Variants in SLC26A7 observed in about 807,000 individuals in gnomAD.
SLC26A7 encodes anion exchange transporter.
A neutral mutation model predicts 82.5 loss-of-function variants in SLC26A7; 59 were observed. The ratio of observed to expected loss-of-function variants is 0.72; its 90% CI spans 0.58 to 0.89. The LOEUF is 0.89. SLC26A7 is among the 40% of genes least tolerant of loss of function. The probability of loss-of-function intolerance (pLI) is 0.00; values close to 1 mark genes in which losing one functional copy is unlikely to be tolerated. For synonymous variants in SLC26A7, 271 were observed against 274.3 expected (o/e 0.99, Z 0.12); for missense variants, 820 against 793.0 (o/e 1.03, Z -0.41).
At chr8:91,364,417 G>A (rs1409444777) in intron 13 of SLC26A7, among the ~76,000 whole-genome samples, 1 of 152,138 alleles carries the variant, frequency 6.6e-6, no homozygotes, top group Non-Finnish European at 1.5e-5. Flanking sequence ...GCACCCAAGG[G>A]AATGGCTTAT....
chr8:91,372,641 G>A (rs2130883646), intron 15 of SLC26A7, among the ~76,000 whole-genome samples: 1 of 152,114 alleles, frequency 6.6e-6, no homozygotes, highest in African/African-American at 2.4e-5. Flanking sequence ...TAGCCTTGAA[G>A]TATAGTTTGA....
At chr8:91,238,163 C>T (rs972607291) in intron 2 of SLC26A7, among the ~76,000 whole-genome samples, 2 of 152,062 alleles carry the variant, frequency 1.3e-5, no homozygotes, top group African/African-American at 4.8e-5. Context: ...GTAAAAGGAG[C>T]CTGTAAAGGA....
At chr8:91,348,243 CT>C (rs1176749750) in intron 9 of SLC26A7, 27 of 766,440 alleles carry the variant, frequency 3.5e-5, no homozygotes, top group Admixed American at 6.3e-5. Flanking sequence ...TCATCTCTCT[CT>C]TTTTTTCTTT....
chr8:91,336,701 T>G (rs1813254242), intron 6 of SLC26A7, among the ~76,000 whole-genome samples: 1 of 152,126 alleles, frequency 6.6e-6, no homozygotes, highest in South Asian at 2.1e-4. Flanking sequence ...GAAGGACCAA[T>G]TACTCAACTG....
In SLC26A7 at chr8:91,318,293, G is replaced by T. The variant is rs201371292; in HGVS notation, c.555G>T (p.Gly185=). ...CTGTGATCAGCGCAATGACAACTGGGGCTGCCACCCATGTGGTGACTTCAC... is the reference window on the plus strand; with the variant it reads ...CTGTGATCAGCGCAATGACAACTGGTGCTGCCACCCATGTGGTGACTTCAC... The part of the protein sequence containing the change: ...TEPVISAMTT[G]AATHVVTSQV... Residue 185 remains glycine (G), a synonymous_variant, in exon 5 of 19, where the codon GGG becomes GGT. Transcript: ENST00000276609. 1 of 1,612,202 alleles carries T rather than the reference G, an allele frequency of 6.2e-7. No individual in the cohort carries two copies. The highest frequency in any genetic ancestry group is 1.3e-5 in the African/African-American group (1 of 74,934).
chr8:91,238,452 A>C (rs1001413608), intron 2 of SLC26A7, among the ~76,000 whole-genome samples: 1 of 151,734 alleles, frequency 6.6e-6, no homozygotes, highest in South Asian at 2.1e-4. Flanking sequence ...TTATTGATGT[A>C]TATGATATAG....
chr8:91,277,067 C>T (rs957235445), intron 2 of SLC26A7, among the ~76,000 whole-genome samples: 1 of 152,178 alleles, frequency 6.6e-6, no homozygotes. Flanking sequence ...TGCTTTCCTT[C>T]GAATACTGAG....
chr8:91,242,521 T>A (rs1810488325), intron 2 of SLC26A7, among the ~76,000 whole-genome samples: 1 of 152,158 alleles, frequency 6.6e-6, no homozygotes, highest in Non-Finnish European at 1.5e-5. Flanking sequence ...TGATGGAATC[T>A]AGAGACAGGG....
chr8:91,271,263 A>T (rs1376729595), intron 2 of SLC26A7, among the ~76,000 whole-genome samples: 2 of 152,044 alleles, frequency 1.3e-5, no homozygotes. Flanking sequence ...AATAATTTAT[A>T]TATTTTATGT....
chr8:91,254,838 T>C (rs191862769), intron 2 of SLC26A7, among the ~76,000 whole-genome samples: 1 of 152,258 alleles, frequency 6.6e-6, no homozygotes, highest in East Asian at 1.9e-4. Context: ...GCCTTTATAT[T>C]TAGTATCTGC....
chr8:91,241,123 A>C (rs1810468017), intron 2 of SLC26A7, among the ~76,000 whole-genome samples: 1 of 152,154 alleles, frequency 6.6e-6, no homozygotes, highest in South Asian at 2.1e-4. Context: ...AATAATAATA[A>C]AAATTGTAAG....
intron 5 of SLC26A7, among the ~76,000 whole-genome samples, chr8:91,328,340 A>C (rs1812989745): frequency 1.3e-5 from 2 of 152,098 alleles, no homozygotes; most frequent in African/African-American, 4.8e-5. Flanking sequence ...CATTTTTATA[A>C]AATTAAAATT....
chr8:91,344,156 A>C (rs1813497261), intron 9 of SLC26A7: 1 of 985,306 alleles, frequency 1.0e-6, no homozygotes, highest in Non-Finnish European at 1.2e-6. Context: ...GAACTTGTTT[A>C]ATCCTATGAA....
chr8:91,397,354 C>T lies in SLC26A7; in HGVS notation c.*2257C>T, dbSNP rs1808598990. 6.6e-6 allele frequency: 1 copy of T among 152,434 alleles called. No homozygotes were observed. Among genetic ancestry groups the T allele is most frequent in the South Asian group, 2.1e-4 (1 of 4,822 alleles). The allele number at this position is 152,434 out of a possible 1,614,324, so 9.4% of individuals were successfully genotyped here. A position where few individuals can be genotyped will look rare whatever the true frequency, so the allele number is the denominator to read the frequency against. On this transcript the variant is annotated 3_prime_UTR_variant, in exon 19 of 19. Transcript: ENST00000276609. ...ATGCAAATGTTTATTTTGAAGCAGG[C>T]ATTGACAACACAAAAACTGTGTAGT...
intron 13 of SLC26A7, 49 bp downstream of exon 13, chr8:91,363,587 G>A (rs905760092): frequency 1.8e-6 from 2 of 1,111,686 alleles, no homozygotes; most frequent in East Asian, 2.6e-5. Flanking sequence ...TCATTTTGTG[G>A]GTGAGATAAT....
At chr8:91,337,501 G>A (rs1005933304) in intron 6 of SLC26A7, among the ~76,000 whole-genome samples, 1 of 152,106 alleles carries the variant, frequency 6.6e-6, no homozygotes, top group Non-Finnish European at 1.5e-5. Flanking sequence ...TGTTAAAGAT[G>A]ATTATGGGTA....
At position 91,249,986 on chromosome 8, in the gene SLC26A7, T is replaced by A. The variant is rs1033478069; in HGVS notation, c.193+142T>A. The A allele has an allele frequency of 1.5e-5, 9 of 601,072 alleles. No individual in the cohort carries two copies. The African/African-American group carries it at 1.7e-4, about 12-fold the overall frequency. The allele number at this position is 601,072 out of a possible 1,614,324, so 37.2% of individuals were successfully genotyped here. A position where few individuals can be genotyped will look rare whatever the true frequency, so the allele number is the denominator to read the frequency against. ...GGGGAAACAAGCATATTGGATATAT[T>A]TGGAGAAGAGTTTTCCTAATTGTCT... On this transcript the variant is annotated intron_variant, in intron 2 of 18. Transcript: ENST00000276609.
In SLC26A7 at chr8:91,343,520, T is replaced by C. The variant is rs1214247761; in HGVS notation, c.1140+54T>C. On this transcript the variant is annotated intron_variant, in intron 9 of 18. Transcript: ENST00000276609. ...CACTGCTGGGCCTTCACTCCCATTC[T>C]AGGAGAGTGGGAAGAGCTAGCTTCT... 9 of 1,241,156 alleles carry C rather than the reference T, an allele frequency of 7.3e-6. No homozygotes were observed. In the African/African-American group the frequency reaches 1.0e-4, roughly 14 times the overall value. 76.9% of individuals were successfully genotyped at this position (1,241,156 alleles called of 1,614,324 possible).
chr8:91,331,057 C>G (rs1369656248), intron 5 of SLC26A7, among the ~76,000 whole-genome samples: 1 of 152,036 alleles, frequency 6.6e-6, no homozygotes, highest in Non-Finnish European at 1.5e-5. Context: ...TTCTCCTGTA[C>G]AAGGTGCATG....
Sources: gnomAD v4.1 joint callset for allele counts (sites outside exome capture counted in the v4.1 genomes callset) on GRCh38, gnomAD v4.1.1 for gene constraint, MANE v1.5 for transcripts, NCBI Gene and HGNC (gene_info 2026-07-23, HGNC 2026-07-21) for gene names.